GLI3: variants seen among roughly 807,000 people sequenced by gnomAD.
GLI3 encodes transcription activator GLI3.
In GLI3, 20 loss-of-function variants were observed where a neutral mutation model predicts 100.8. The ratio of observed to expected loss-of-function variants is 0.20; its 90% CI spans 0.14 to 0.29. The LOEUF (loss-of-function observed/expected upper bound fraction) is 0.29. Among genes scored for constraint, GLI3 ranks in the 10% least tolerant of loss-of-function variants. The probability of loss-of-function intolerance (pLI) is 1.00; values close to 1 mark genes in which losing one functional copy is unlikely to be tolerated. For missense variants in GLI3, 2,040 were observed against 2,128.5 expected (o/e 0.96, Z 0.82); for synonymous variants, 938 against 860.5 (o/e 1.09, Z -1.58).
chr7:42,059,247 T>A (rs1784520349), intron 4 of GLI3, among the ~76,000 whole-genome samples: 1 of 152,046 alleles, frequency 6.6e-6, no homozygotes, highest in Admixed American at 6.6e-5. Flanking sequence ...TTTAGCAGAC[T>A]TTTTTGTCCT....
chr7:41,978,521 C>T, intron 11 of GLI3, 78 bp downstream of exon 11: 1 of 1,371,578 alleles, frequency 7.3e-7, no homozygotes, highest in Admixed American at 1.7e-5. Flanking sequence ...TTCCCCTGAG[C>T]TGGTGTCATC....
intron 1 of GLI3, among the ~76,000 whole-genome samples, chr7:42,262,195 TTTTTCCTTCCTTC>T (rs1179989420): frequency 1.4e-5 from 2 of 147,272 alleles, no homozygotes; most frequent in African/African-American, 5.1e-5. Context: ...TCTTTTATTT[TTTTTCCTTCCTTC>T]TTTCCTTCCT....
At position 42,101,826 on chromosome 7, in the gene GLI3, T is replaced by A. The variant is rs1334578044; in HGVS notation, c.368-24969A>T. On this transcript the variant is annotated intron_variant, in intron 3 of 14. Transcript: ENST00000395925. ...GCATTAGGTATATCTCCCAATGCTATCCCTCCACCCTCTCCCACCCCACAA... is the reference window on the plus strand; with the variant it reads ...GCATTAGGTATATCTCCCAATGCTAACCCTCCACCCTCTCCCACCCCACAA... Among the ~76,000 whole-genome samples the A allele has an allele frequency of 1.9e-5, 2 of 104,746 alleles. 1 individual carries two copies. The highest frequency in any genetic ancestry group is 3.7e-5 in the Non-Finnish European group (2 of 54,726). The allele number at this position is 104,746 out of a possible 152,430, so 68.7% of individuals were successfully genotyped here. A position where few individuals can be genotyped will look rare whatever the true frequency, so the allele number is the denominator to read the frequency against.
At chr7:42,116,637 C>A (rs1785864696) in intron 3 of GLI3, among the ~76,000 whole-genome samples, 1 of 152,106 alleles carries the variant, frequency 6.6e-6, no homozygotes, top group African/African-American at 2.4e-5. Context: ...TGCACGAGGG[C>A]ACAGCATTGG....
chr7:42,189,577 T>C (rs1583633894), intron 2 of GLI3, among the ~76,000 whole-genome samples: 2 of 152,070 alleles, frequency 1.3e-5, no homozygotes, highest in African/African-American at 4.8e-5. Context: ...ATATGGAAGG[T>C]TCAGATACTC....
chr7:42,081,555 A>G (rs947218338), intron 3 of GLI3, among the ~76,000 whole-genome samples: 6 of 152,210 alleles, frequency 3.9e-5, no homozygotes, highest in Admixed American at 6.5e-5. Context: ...GGGTCTCATT[A>G]GGAACGAGAG....
upstream of GLI3, among the ~76,000 whole-genome samples, chr7:42,238,396 A>C (rs7778615): frequency 0.88 from 133,285 of 151,870 alleles, 58,649 homozygotes; most frequent in Middle Eastern, 0.95. Context: ...ACATTTTCCC[A>C]AAGCCATCCC....
chr7:42,068,743 A>T (rs893090045), intron 4 of GLI3, among the ~76,000 whole-genome samples: 6 of 152,126 alleles, frequency 3.9e-5, no homozygotes, highest in Non-Finnish European at 8.8e-5. Flanking sequence ...AGGAAATGGC[A>T]TGTCTTTGTT....
chr7:41,965,690 T>C lies in GLI3; in HGVS notation c.3383A>G (p.Asp1128Gly). The C allele has an allele frequency of 6.2e-7, 1 of 1,613,252 alleles. No individual in the cohort carries two copies. Among genetic ancestry groups the C allele is most frequent in the African/African-American group, 1.3e-5 (1 of 74,926 alleles). ...GTCTGGCAGCCCGGGCGCGTCAAAG[T>C]CACCGGGCCCGTGGGGCACTTTGCT... ...DDSKVPHGPG[D>G]FDAPGLPDSH... Residue 1128 changes from aspartate to glycine, a missense_variant, in exon 15 of 15, where the codon GAC becomes GGC. Coordinates refer to ENST00000395925, the MANE Select transcript of GLI3 (RefSeq NM_000168.6).
intron 4 of GLI3, among the ~76,000 whole-genome samples, chr7:42,069,129 C>T (rs1784735924): frequency 1.3e-5 from 2 of 152,122 alleles, no homozygotes; most frequent in Non-Finnish European, 2.9e-5. Context: ...GCTCCTGGAC[C>T]GTGCTGCTGA....
chr7:42,154,553 T>C (rs915268363), intron 2 of GLI3, among the ~76,000 whole-genome samples: 29 of 152,210 alleles, frequency 1.9e-4, no homozygotes, highest in African/African-American at 7.0e-4. Flanking sequence ...CTTTGGTTAT[T>C]TACATGTTGA....
At chr7:42,190,375 G>C (rs2128687648) in intron 2 of GLI3, among the ~76,000 whole-genome samples, 1 of 152,232 alleles carries the variant, frequency 6.6e-6, no homozygotes, top group South Asian at 2.1e-4. Flanking sequence ...ACTGAAAATG[G>C]GGTGTAAACA....
intron 2 of GLI3, among the ~76,000 whole-genome samples, chr7:42,206,596 G>C (rs1264891377): frequency 6.6e-6 from 1 of 152,016 alleles, no homozygotes; most frequent in Non-Finnish European, 1.5e-5. Context: ...TTCTACAAAG[G>C]TGTTCCTCAA....
chr7:41,981,522 T>C (rs1022921642), intron 10 of GLI3, among the ~76,000 whole-genome samples: 3 of 152,116 alleles, frequency 2.0e-5, no homozygotes, highest in African/African-American at 7.2e-5. Flanking sequence ...GACTCTCATA[T>C]TTTCCTTTCC....
intron 13 of GLI3, among the ~76,000 whole-genome samples, chr7:41,968,724 GAAAGA>G (rs1562661806): frequency 2.1e-4 from 22 of 104,376 alleles, no homozygotes; most frequent in Non-Finnish European, 3.4e-4. Context: ...AAGAAAGAAA[GAAAGA>G]AAGAAAGAAA....
At chr7:42,133,373 A>T (rs1786341846) in intron 3 of GLI3, among the ~76,000 whole-genome samples, 1 of 152,170 alleles carries the variant, frequency 6.6e-6, no homozygotes, top group African/African-American at 2.4e-5. Context: ...AGTGTTGCCG[A>T]TGCCTCCAAG....
At chr7:42,250,983 G>A (rs1446964673) in intron 1 of GLI3, among the ~76,000 whole-genome samples, 1 of 152,154 alleles carries the variant, frequency 6.6e-6, no homozygotes, top group Non-Finnish European at 1.5e-5. Context: ...TACTAGTCAG[G>A]AAGTATGAAA....
chr7:41,970,049 C>T (rs765054160), intron 13 of GLI3, among the ~76,000 whole-genome samples: 25 of 151,924 alleles, frequency 1.6e-4, no homozygotes, highest in Non-Finnish European at 3.1e-4. Context: ...TGTTCACTAC[C>T]AAAAGTATCA....
chr7:42,052,242 T>C (rs1422061529), intron 4 of GLI3, among the ~76,000 whole-genome samples: 1 of 152,238 alleles, frequency 6.6e-6, no homozygotes, highest in African/African-American at 2.4e-5. Flanking sequence ...TTCGAAGTTT[T>C]GGCAATTATG....
Sources: allele counts gnomAD v4.1 joint callset (sites outside exome capture counted in the v4.1 genomes callset), GRCh38; gene constraint gnomAD v4.1.1; transcripts MANE v1.5; gene names NCBI Gene and HGNC (gene_info 2026-07-23, HGNC 2026-07-21).